CTPS1: variants seen among roughly 807,000 people sequenced by gnomAD.
CTPS1 encodes the protein CTP synthase 1, also known as CTP synthetase 1.
Under a neutral mutation model 80.5 loss-of-function variants are expected in CTPS1, and 25 were observed. The observed-to-expected ratio is 0.31, with a 90% confidence interval of 0.23 to 0.43. The LOEUF (loss-of-function observed/expected upper bound fraction) is 0.43, where lower values mean the gene tolerates loss of function less well. CTPS1 is among the 20% of genes least tolerant of loss of function. CTPS1 has a pLI of 1.00. For synonymous variants in CTPS1, 267 were observed against 252.5 expected, an observed-to-expected ratio of 1.06 and a Z score of -0.54; for missense variants, 442 against 725.7, an observed-to-expected ratio of 0.61 and a Z score of 4.49.
At chr1:40,998,932 G>A (rs1378806401) in intron 9 of CTPS1, among the ~76,000 whole-genome samples, 4 of 152,156 alleles carry the variant, frequency 2.6e-5, no homozygotes, top group Non-Finnish European at 4.4e-5. Context: ...CTTCTTATTT[G>A]CTAGTTCTTT....
At chr1:40,980,212 C>T (rs1220426681) in intron 1 of CTPS1, 7 of 151,922 alleles carry the variant, frequency 4.6e-5, no homozygotes, top group East Asian at 1.9e-4. Flanking sequence ...CCCCCCACAC[C>T]CTCCGCCCTT....
rs1643099484 is a variant in CTPS1 at position 41,008,850 on chromosome 1, A to G, written c.1506A>G (p.Gln502=). 4 of 1,614,100 alleles carry G rather than the reference A, an allele frequency of 2.5e-6. No individual in the cohort carries two copies. The highest frequency in any genetic ancestry group is 1.7e-5 in the Admixed American group (1 of 60,006). Residue 502 remains glutamine (Q), a synonymous_variant, in exon 16 of 19, where the codon CAA becomes CAG. Transcript: ENST00000650070. ...LEEQGLKFVG[Q]DVEGERMEIV... is the part of the protein sequence containing the mutation. ...AACAAGGCTTGAAGTTTGTTGGCCA[A>G]GATGTTGAAGGAGAGAGAATGGAAA... is the stretch of plus-strand genomic sequence containing the variant.
At chr1:40,988,959 A>G (rs1471362456) in intron 5 of CTPS1, among the ~76,000 whole-genome samples, 1 of 152,244 alleles carries the variant, frequency 6.6e-6, no homozygotes, top group Non-Finnish European at 1.5e-5. Context: ...TCTTTACTAT[A>G]TGGTGGAACT....
At chr1:41,006,012 T>C (rs764511038) in intron 12 of CTPS1, 39 bp from the exon 13 acceptor site, 2 of 1,533,146 alleles carry the variant, frequency 1.3e-6, no homozygotes, top group African/African-American at 2.7e-5. Flanking sequence ...ATCACTTTCG[T>C]TTGTAACTAT....
intron 17 of CTPS1, 72 bp from the exon 18 acceptor site, chr1:41,010,089 G>A: frequency 2.0e-6 from 2 of 989,528 alleles, no homozygotes; most frequent in East Asian, 2.4e-5. Flanking sequence ...TGTAGGAACC[G>A]TGGTTACAAA....
chr1:40,982,643 G>C (rs1464748072), intron 1 of CTPS1, among the ~76,000 whole-genome samples: 2 of 152,190 alleles, frequency 1.3e-5, no homozygotes, highest in Non-Finnish European at 2.9e-5. Flanking sequence ...TCCTGGCTCT[G>C]CCTCCCAAAG....
chr1:41,005,386 G>C (rs1484807848), intron 12 of CTPS1, among the ~76,000 whole-genome samples: 1 of 151,910 alleles, frequency 6.6e-6, no homozygotes, highest in African/African-American at 2.4e-5. Context: ...GGAGGTTTTG[G>C]TGCCGAGATC....
At chr1:40,996,779 T>G (rs1244809762) in intron 8 of CTPS1, among the ~76,000 whole-genome samples, 1 of 152,242 alleles carries the variant, frequency 6.6e-6, no homozygotes, top group Non-Finnish European at 1.5e-5. Flanking sequence ...TAAAACATTA[T>G]AAGCATTTTG....
intron 7 of CTPS1, 39 bp downstream of exon 7, chr1:40,991,884 C>A (rs1269537317): frequency 8.1e-6 from 12 of 1,482,830 alleles, no homozygotes; most frequent in Non-Finnish European, 1.1e-5. Context: ...TTGTTTTTTG[C>A]TTCTAATTGT....
At chr1:40,993,402 T>C (rs970554864) in intron 7 of CTPS1, among the ~76,000 whole-genome samples, 1 of 151,714 alleles carries the variant, frequency 6.6e-6, no homozygotes, top group African/African-American at 2.4e-5. Flanking sequence ...CTGACTAGAG[T>C]GCAGTGGTGC....
chr1:40,981,557 A>G lies in CTPS1; in HGVS notation c.-13-1721A>G, dbSNP rs575103029. Among the ~76,000 whole-genome samples, 26 of 152,312 alleles carry G rather than the reference A, an allele frequency of 1.7e-4. No individual in the cohort carries two copies. In the East Asian group the frequency reaches 4.4e-3, roughly 26 times the overall value. On this transcript the variant is annotated intron_variant, in intron 1 of 18. Coordinates refer to ENST00000650070, the MANE Select transcript of CTPS1 (RefSeq NM_001905.4). ...ACCTAAGACTGATTTTCATGTGTCA[A>G]TAAGGAACTGTAAAGTGAGAGACTT...
chr1:40,993,364 T>G (rs1245172721), intron 7 of CTPS1, among the ~76,000 whole-genome samples: 2 of 152,068 alleles, frequency 1.3e-5, no homozygotes, highest in Non-Finnish European at 2.9e-5. Flanking sequence ...CCTTTTTTTT[T>G]TAAGAGACAA....
At position 40,997,444 on chromosome 1, in the gene CTPS1, C is replaced by T. The variant is rs1280869081; in HGVS notation, c.923C>T (p.Thr308Met). 6.2e-7 allele frequency: 1 copy of T among 1,614,018 alleles called. No individual in the cohort carries two copies. The highest frequency in any genetic ancestry group is 8.5e-7 in the Non-Finnish European group (1 of 1,180,044). ...TCTATTGCCCTTGTGGGCAAATACA[C>T]GAAGTTCTCAGACTCCTATGCCTCT... ...TCSIALVGKY[T>M]KFSDSYASVI... Residue 308 changes from threonine (T) to methionine (M), a missense_variant, in exon 9 of 19, where the codon ACG becomes ATG. By Grantham distance (81) the Thr-to-Met change is moderately conservative. Transcript: ENST00000650070.
At chr1:40,989,100 G>T (rs988346684) in intron 5 of CTPS1, among the ~76,000 whole-genome samples, 2 of 152,192 alleles carry the variant, frequency 1.3e-5, no homozygotes, top group Admixed American at 1.3e-4. Context: ...TCTTAAGCCC[G>T]CAGCAGTGAA....
intron 7 of CTPS1, 150 bp from the exon 8 acceptor site, chr1:40,995,767 T>C (rs1008613570): frequency 1.4e-6 from 1 of 716,056 alleles, no homozygotes; most frequent in Non-Finnish European, 2.2e-6. Flanking sequence ...TCTATTCTAT[T>C]CTTGAGTCTG....
rs1392935571 is a variant in CTPS1 at position 41,011,969 on chromosome 1, A to T, written c.*321A>T. 6.6e-6 allele frequency: 1 copy of T among 152,166 alleles called. No individual in the cohort carries two copies. Among genetic ancestry groups the T allele is most frequent in the African/African-American group, 2.4e-5 (1 of 41,416 alleles). The allele number at this position is 152,166 out of a possible 1,614,324, so 9.4% of individuals were successfully genotyped here. A position where few individuals can be genotyped will look rare whatever the true frequency, so the allele number is the denominator to read the frequency against. On this transcript the variant is annotated 3_prime_UTR_variant, in exon 19 of 19. Coordinates refer to ENST00000650070, the MANE Select transcript of CTPS1 (RefSeq NM_001905.4). The stretch of plus-strand genomic sequence containing the variant: ...TCTCAACTACCTCGCATCATTGCAG[A>T]TGCTAGCGCGTTGCCTGTCGCTTTC...
chr1:41,006,124 CT>C, intron 13 of CTPS1, 30 bp downstream of exon 13: 1 of 1,583,928 alleles, frequency 6.3e-7, no homozygotes, highest in Non-Finnish European at 8.7e-7. Context: ...CTCCACAGGG[CT>C]TAGAAGGGTG....
Position 41,007,292 on chromosome 1 carries a change from A to G in CTPS1, c.1297-157A>G, listed in dbSNP as rs1643057547. On this transcript the variant is annotated intron_variant, in intron 13 of 18. Transcript: ENST00000650070. The surrounding 1 kb of genome is among the most constrained non-coding windows in gnomAD (Gnocchi z 4.4). ...CACCCAACCGAGGTTACAAATGCCA[A>G]CTGGGAGGCATTTTCTTCTGTGACA... 6.6e-6 allele frequency among the ~76,000 whole-genome samples: 1 copy of G among 152,226 alleles called. No individual in the cohort carries two copies.
intron 1 of CTPS1, 78 bp from the exon 2 acceptor site, chr1:40,983,200 C>G (rs1570937348): frequency 9.0e-6 from 11 of 1,228,650 alleles, no homozygotes; most frequent in African/African-American, 1.5e-5. Flanking sequence ...TAATAATTGG[C>G]AGAGCCAGTG....
Sources: gnomAD v4.1 joint callset for allele counts (sites outside exome capture counted in the v4.1 genomes callset) on GRCh38, gnomAD v4.1.1 for gene constraint, Gnocchi (gnomAD v3.1) non-coding constraint, MANE v1.5 for transcripts, NCBI Gene and HGNC (gene_info 2026-07-23, HGNC 2026-07-21) for gene names.